ABCA3: variants seen among roughly 807,000 people sequenced by gnomAD.
The protein encoded by ABCA3 is ATP binding cassette subfamily A member 3, also known as phospholipid-transporting ATPase ABCA3.
ABCA3 carries 88 observed loss-of-function variants against 172.8 expected under a neutral mutation model. That is an observed-to-expected ratio of 0.51 (90% confidence interval 0.43 to 0.61). The LOEUF is 0.61. ABCA3 is among the 20% of genes least tolerant of loss of function. The pLI is 0.00. For missense variants in ABCA3, 2,164 were observed against 2,301.0 expected (o/e 0.94, Z 1.22); for synonymous variants, 1,066 against 983.8 (o/e 1.08, Z -1.56).
intron 1 of ABCA3, among the ~76,000 whole-genome samples, chr16:2,336,452 CAG>C (rs1254286704): frequency 6.7e-6 from 1 of 148,260 alleles, no homozygotes; most frequent in Admixed American, 6.7e-5. Context: ...TTTTTTGAGA[CAG>C]AGTTTCACTC....
intron 10 of ABCA3, among the ~76,000 whole-genome samples, chr16:2,311,900 G>A (rs1039517826): frequency 6.6e-5 from 10 of 152,008 alleles, no homozygotes; most frequent in African/African-American, 2.4e-4. Context: ...CAGGCAATCC[G>A]CCCGCCTCAG....
In ABCA3 at chr16:2,297,386, T is replaced by C. The variant is rs769034977; in HGVS notation, c.2206A>G (p.Met736Val). ...ADLLGDRIAI[M>V]AKGELQCCGS... Reference sequence around the variant, plus strand: ...CAGCACTGCAGCTCCCCCTTGGCCATGATGGCGATGCGGTCTCCCAGCAGG... The same window carrying C: ...CAGCACTGCAGCTCCCCCTTGGCCACGATGGCGATGCGGTCTCCCAGCAGG... The change falls in exon 17 of 33, where the codon ATG becomes GTG. Residue 736 changes from methionine (M) to valine (V), a missense_variant. This residue lies in a region of ABCA3 where 1,343 missense variants were observed against 1,369.6 expected (regional missense o/e 0.98). Transcript: ENST00000301732. The surrounding 1 kb of genome is among the most constrained non-coding windows in gnomAD (Gnocchi z 5.6). 1.9e-6 allele frequency: 3 copies of C among 1,613,410 alleles called. No individual in the cohort carries two copies. Among genetic ancestry groups the C allele is most frequent in the South Asian group, 2.2e-5 (2 of 91,060 alleles).
intron 12 of ABCA3, among the ~76,000 whole-genome samples, chr16:2,303,323 G>A (rs896547837): frequency 1.3e-5 from 2 of 149,106 alleles, no homozygotes; most frequent in African/African-American, 2.5e-5. Context: ...GTGCAATGGC[G>A]CGATCTTGGC....
At position 2,276,544 on chromosome 16, in the gene ABCA3, A is replaced by C. The variant is rs945219645; in HGVS notation, c.*130T>G. 6 of 1,464,430 alleles carry C rather than the reference A, an allele frequency of 4.1e-6. No homozygotes were observed. The Admixed American group carries it at 1.2e-4, about 30-fold the overall frequency. The allele number at this position is 1,464,430 out of a possible 1,614,324, so 90.7% of individuals were successfully genotyped here. A position where few individuals can be genotyped will look rare whatever the true frequency, so the allele number is the denominator to read the frequency against. On this transcript the variant is annotated 3_prime_UTR_variant, in exon 33 of 33. Coordinates refer to ENST00000301732, the MANE Select transcript of ABCA3 (RefSeq NM_001089.3). ...CGTCCATTCTGTGCATACTGCCTTG[A>C]ATTTTTCATATCCATCATAGAAAAA...
intron 7 of ABCA3, 141 bp from the exon 8 acceptor site, chr16:2,319,981 G>C (rs2093723327): frequency 9.7e-7 from 1 of 1,030,594 alleles, no homozygotes; most frequent in African/African-American, 1.6e-5. Flanking sequence ...TGGCCGCTCA[G>C]TGGTCCCACG....
chr16:2,323,745 A>G, intron 6 of ABCA3, 57 bp from the exon 7 acceptor site: 2 of 1,606,678 alleles, frequency 1.2e-6, no homozygotes, highest in South Asian at 2.2e-5. Context: ...AGGGGCAAAC[A>G]ACAGGGTGGA....
chr16:2,298,608 C>T (rs1363705601), intron 14 of ABCA3, 68 bp from the exon 15 acceptor site: 15 of 1,574,096 alleles, frequency 9.5e-6, no homozygotes, highest in Non-Finnish European at 5.2e-6. Flanking sequence ...CGGTAATGAC[C>T]CCCCACCCCC....
intron 18 of ABCA3, among the ~76,000 whole-genome samples, chr16:2,292,753 C>G (rs928101400): frequency 1.3e-5 from 2 of 152,064 alleles, no homozygotes; most frequent in African/African-American, 4.8e-5. Flanking sequence ...AACTCTGTCT[C>G]TACTAAAATA....
intron 3 of ABCA3, among the ~76,000 whole-genome samples, chr16:2,327,015 A>T (rs1424188434): frequency 6.6e-6 from 1 of 152,198 alleles, no homozygotes; most frequent in East Asian, 1.9e-4. Flanking sequence ...AAAAAAACCC[A>T]AAGAGCATAG....
At position 2,329,737 on chromosome 16, in the gene ABCA3, C is replaced by A. The variant is rs180863125; in HGVS notation, c.-421G>T. On this transcript the variant is annotated 5_prime_UTR_variant, in exon 2 of 33. Coordinates refer to ENST00000301732, the MANE Select transcript of ABCA3 (RefSeq NM_001089.3). ...AGGAGGCGGCTCCGCACAGAGGGCTCCGGGGTGGGGCCTGAGAGCCTCTGG... is the reference window on the plus strand; with the variant it reads ...AGGAGGCGGCTCCGCACAGAGGGCTACGGGGTGGGGCCTGAGAGCCTCTGG... 6.6e-6 allele frequency: 1 copy of A among 152,432 alleles called. No individual in the cohort carries two copies. Among genetic ancestry groups the A allele is most frequent in the African/African-American group, 2.4e-5 (1 of 41,562 alleles). 9.4% of individuals were successfully genotyped at this position (152,432 alleles called of 1,614,324 possible). A position where few individuals can be genotyped will look rare whatever the true frequency, so the allele number is the denominator to read the frequency against.
intron 1 of ABCA3, among the ~76,000 whole-genome samples, chr16:2,339,774 C>A (rs1262176659): frequency 1.3e-5 from 2 of 152,274 alleles, no homozygotes; most frequent in Non-Finnish European, 2.9e-5. Context: ...CCCCTGAGGA[C>A]ATGGCTTCAT....
chr16:2,315,599 A>G (rs897982234), intron 10 of ABCA3, among the ~76,000 whole-genome samples: 7 of 152,180 alleles, frequency 4.6e-5, no homozygotes, highest in Non-Finnish European at 8.8e-5. Context: ...CAGGTACACG[A>G]AAATCACGTG....
chr16:2,299,552 T>A lies in ABCA3; in HGVS notation c.1612-20A>T. 6.2e-7 allele frequency: 1 copy of A among 1,611,750 alleles called. No homozygotes were observed. Among genetic ancestry groups the A allele is most frequent in the Non-Finnish European group, 8.5e-7 (1 of 1,179,954 alleles). Reference sequence around the variant, plus strand: ...GAACACCTGCAGGAAAGGCAGAGGCTGCCCTGGGCTACCCACAGCCCCGAG... The same window carrying A: ...GAACACCTGCAGGAAAGGCAGAGGCAGCCCTGGGCTACCCACAGCCCCGAG... On this transcript the variant is annotated intron_variant, in intron 13 of 32. Coordinates refer to ENST00000301732, the MANE Select transcript of ABCA3 (RefSeq NM_001089.3).
At chr16:2,306,353 A>G (rs2093697575) in intron 11 of ABCA3, among the ~76,000 whole-genome samples, 1 of 152,166 alleles carries the variant, frequency 6.6e-6, no homozygotes, top group African/African-American at 2.4e-5. Context: ...AAGAAAGCAA[A>G]AGAACAAAGT....
At chr16:2,304,354 T>A (rs944074960) in intron 11 of ABCA3, among the ~76,000 whole-genome samples, 3 of 152,056 alleles carry the variant, frequency 2.0e-5, no homozygotes, top group Non-Finnish European at 4.4e-5. Flanking sequence ...AATAATTAAG[T>A]CACAGACCAG....
At chr16:2,335,020 G>A (rs1296102643) in intron 1 of ABCA3, among the ~76,000 whole-genome samples, 1 of 145,080 alleles carries the variant, frequency 6.9e-6, no homozygotes, top group Non-Finnish European at 1.5e-5. Flanking sequence ...GTAGAGACGG[G>A]GTTTCACCAT....
chr16:2,301,702 T>A, intron 12 of ABCA3, among the ~76,000 whole-genome samples: 1 of 144,240 alleles, frequency 6.9e-6, no homozygotes, highest in African/African-American at 2.6e-5. Context: ...AGAGCTAGAC[T>A]CCGAATCAAA....
At chr16:2,335,519 C>T (rs892976517) in intron 1 of ABCA3, among the ~76,000 whole-genome samples, 1 of 152,140 alleles carries the variant, frequency 6.6e-6, no homozygotes, top group Non-Finnish European at 1.5e-5. Context: ...ATCCTCTTGC[C>T]TCAGCCTCCC....
chr16:2,331,426 T>C (rs1567356816), intron 1 of ABCA3, among the ~76,000 whole-genome samples: 2 of 152,202 alleles, frequency 1.3e-5, no homozygotes, highest in African/African-American at 2.4e-5. Context: ...CTCAAACTCC[T>C]GACCTCAAGT....
Sources: allele counts gnomAD v4.1 joint callset (sites outside exome capture counted in the v4.1 genomes callset), GRCh38; gene constraint gnomAD v4.1.1; regional missense constraint gnomAD v4.1.1; non-coding constraint Gnocchi (gnomAD v3.1); transcripts MANE v1.5; gene names NCBI Gene and HGNC (gene_info 2026-07-23, HGNC 2026-07-21).